MYBPC1: variants seen among roughly 807,000 people sequenced by gnomAD.
MYBPC1 encodes myosin binding protein C1, also known as myosin-binding protein C, slow-type.
A neutral mutation model predicts 147.1 loss-of-function variants in MYBPC1; 52 were observed. That is an observed-to-expected ratio of 0.35 (90% CI 0.28 to 0.45). The LOEUF is 0.45. MYBPC1 is among the 20% of genes least tolerant of loss of function. The pLI is 1.00. For synonymous variants in MYBPC1, 477 were observed against 475.9 expected (o/e 1.00, Z -0.03); for missense variants, 1,228 against 1,440.3 (o/e 0.85, Z 2.39).
intron 3 of MYBPC1, among the ~76,000 whole-genome samples, chr12:101,620,547 T>C (rs1887136266): frequency 6.6e-6 from 1 of 152,166 alleles, no homozygotes; most frequent in African/African-American, 2.4e-5. Context: ...CAGAGGGCCA[T>C]GTGTAGGGAA....
At chr12:101,694,506 T>C in the MYBPC1 span, among the ~76,000 whole-genome samples, 16,999 of 152,162 alleles carry the variant, frequency 0.11, 1,299 homozygotes, top group African/African-American at 0.22. Context: ...GGTGGGGCCT[T>C]CATGATGGGA....
intron 22 of MYBPC1, chr12:101,664,757 T>C (rs1394089545): frequency 6.6e-6 from 1 of 152,186 alleles, no homozygotes; most frequent in East Asian, 1.9e-4. Context: ...ATAATTGGTT[T>C]CTCCAGGATT....
At chr12:101,694,508 A>G in the MYBPC1 span, among the ~76,000 whole-genome samples, 1 of 152,188 alleles carries the variant, frequency 6.6e-6, no homozygotes, top group African/African-American at 2.4e-5. Context: ...TGGGGCCTTC[A>G]TGATGGGATT....
At chr12:101,652,625 T>C in intron 16 of MYBPC1, 53 bp from the exon 17 acceptor site, 1 of 1,290,956 alleles carries the variant, frequency 7.7e-7, no homozygotes, top group Non-Finnish European at 1.1e-6. Flanking sequence ...GCTTGGGTCA[T>C]ATATAAACTA....
rs371522699 is a variant in MYBPC1, at chr12:101,622,423, A to C, written c.104-4449A>C. 9.8e-5 allele frequency among the ~76,000 whole-genome samples: 15 copies of C among 152,340 alleles called. No homozygotes were observed. In the East Asian group the frequency reaches 1.3e-3, roughly 14 times the overall value. ...TCCCAATCTAAAAAAAAGTGCCAGG[A>C]CTGAAGCAACTTTTAAAAGAAAGGA... is the stretch of plus-strand genomic sequence containing the variant. On this transcript the variant is annotated intron_variant, in intron 3 of 31. Transcript: ENST00000361466.
intron 1 of MYBPC1, among the ~76,000 whole-genome samples, chr12:101,602,614 T>G (rs1336011352): frequency 2.6e-5 from 4 of 152,224 alleles, no homozygotes; most frequent in Admixed American, 6.5e-5. Flanking sequence ...CACAAGGTAT[T>G]AAATGCCTCA....
intron 11 of MYBPC1, among the ~76,000 whole-genome samples, chr12:101,642,840 C>T (rs1403676237): frequency 6.6e-6 from 1 of 152,106 alleles, no homozygotes; most frequent in Non-Finnish European, 1.5e-5. Context: ...TCAGCCGCCC[C>T]CTTTCTCCAG....
intron 24 of MYBPC1, among the ~76,000 whole-genome samples, chr12:101,672,081 T>A (rs1034246971): frequency 2.6e-5 from 4 of 152,196 alleles, no homozygotes; most frequent in African/African-American, 7.2e-5. Context: ...AGTGGTTTTT[T>A]CCACTCTGTA....
intron 1 of MYBPC1, among the ~76,000 whole-genome samples, chr12:101,601,341 T>C (rs7964923): frequency 0.018 from 2,812 of 152,282 alleles, 84 homozygotes; most frequent in African/African-American, 0.065. Context: ...ACAAAGAGTA[T>C]GTTTGTTTTA....
At chr12:101,690,932 C>G (rs2559864), downstream of MYBPC1, among the ~76,000 whole-genome samples, 79,344 of 152,010 alleles carry the variant, frequency 0.52, 21,349 homozygotes, top group Admixed American at 0.6. Context: ...GCAAGTAAAG[C>G]AAGTATTATA....
intron 30 of MYBPC1, among the ~76,000 whole-genome samples, chr12:101,682,965 G>A (rs188723226): frequency 6.6e-6 from 1 of 152,236 alleles, no homozygotes. Flanking sequence ...CAAAACTTGG[G>A]TATCAATATT....
At chr12:101,614,560 T>G in intron 2 of MYBPC1, 29 bp downstream of exon 2, 1 of 1,611,434 alleles carries the variant, frequency 6.2e-7, no homozygotes, top group Non-Finnish European at 8.5e-7. Flanking sequence ...TCACACACGT[T>G]TGGGCTGCAA....
At chr12:101,608,230 C>G (rs1882992393) in intron 1 of MYBPC1, among the ~76,000 whole-genome samples, 2 of 152,186 alleles carry the variant, frequency 1.3e-5, no homozygotes, top group Admixed American at 1.3e-4. Flanking sequence ...CGCCCTTGCC[C>G]AGGAAAGAGG....
rs376782061 is a variant in MYBPC1 at position 101,673,543 on chromosome 12, G to A, written c.2730G>A (p.Arg910=). 9 of 1,614,120 alleles carry A rather than the reference G, an allele frequency of 5.6e-6. No individual in the cohort carries two copies. The African/African-American group carries it at 1.1e-4, about 19-fold the overall frequency. ...TCATATTTATTAGAAAAGCAGAGAG[G>A]AGCCACTCTGGGAAATATGATCTGC... ...DTIIFIRKAE[R]SHSGKYDLQV... is the part of the protein sequence containing the mutation. Residue 910 remains arginine, a synonymous_variant, in exon 25 of 32, where the codon AGG becomes AGA. Coordinates refer to ENST00000361466, the MANE Select transcript of MYBPC1 (RefSeq NM_002465.4).
chr12:101,595,244 C>A, intron 1 of MYBPC1, 149 bp downstream of exon 1: 3 of 767,448 alleles, frequency 3.9e-6, no homozygotes, highest in Non-Finnish European at 6.4e-6. Context: ...TTAAACAGAC[C>A]AGAGGAAAAA....
chr12:101,694,754 A>C, the MYBPC1 span, among the ~76,000 whole-genome samples: 2 of 70,918 alleles, frequency 2.8e-5, no homozygotes, highest in Non-Finnish European at 5.3e-5. Flanking sequence ...TGACTAATAC[A>C]TCTGCTTTTT....
chr12:101,617,788 T>C (rs1886478326), intron 3 of MYBPC1, among the ~76,000 whole-genome samples: 2 of 152,214 alleles, frequency 1.3e-5, no homozygotes, highest in Admixed American at 6.5e-5. Context: ...ATTCCTGTAA[T>C]ATTATCCTAT....
intron 22 of MYBPC1, chr12:101,666,635 T>C: frequency 9.1e-7 from 1 of 1,096,406 alleles, no homozygotes; most frequent in Non-Finnish European, 1.4e-6. Flanking sequence ...GACAAATCTC[T>C]TTGCACACTT....
At chr12:101,659,917 C>T in intron 19 of MYBPC1, 86 bp downstream of exon 19, 1 of 1,494,444 alleles carries the variant, frequency 6.7e-7, no homozygotes, top group Non-Finnish European at 9.3e-7. Context: ...CCTTTCCTTC[C>T]ATTTCCTTCC....
Sources: gnomAD v4.1 joint callset for allele counts (sites outside exome capture counted in the v4.1 genomes callset) on GRCh38, gnomAD v4.1.1 for gene constraint, MANE v1.5 for transcripts, NCBI Gene and HGNC (gene_info 2026-07-23, HGNC 2026-07-21) for gene names.